TMEM117: variants seen among roughly 807,000 people sequenced by gnomAD.
The protein encoded by TMEM117 is transmembrane protein 117.
A neutral mutation model predicts 52.4 loss-of-function variants in TMEM117; 27 were observed. The ratio of observed to expected loss-of-function variants is 0.51; its 90% confidence interval spans 0.38 to 0.71. The LOEUF is 0.71. Ranked by LOEUF, TMEM117 falls within the 30% of genes least tolerant of loss-of-function variation. The pLI is 0.00. For missense variants in TMEM117, 556 were observed against 630.5 expected (o/e 0.88, Z 1.26); for synonymous variants, 215 against 206.3 (o/e 1.04, Z -0.36).
the TMEM117 span, among the ~76,000 whole-genome samples, chr12:44,396,207 C>T: frequency 6.6e-6 from 1 of 152,082 alleles, no homozygotes; most frequent in African/African-American, 2.4e-5. Context: ...ACTTGTACCA[C>T]TCAACTCTGC....
intron 6 of TMEM117, chr12:44,318,493 G>A (rs1951087943): frequency 6.6e-6 from 1 of 152,100 alleles, no homozygotes; most frequent in African/African-American, 2.4e-5. Flanking sequence ...AGGTAGGGTG[G>A]CTAAGGTTGC....
intron 3 of TMEM117, among the ~76,000 whole-genome samples, chr12:44,085,845 AT>A (rs1033507664): frequency 1.3e-5 from 2 of 151,212 alleles, no homozygotes; most frequent in Admixed American, 6.6e-5. Context: ...TTCTTTAGCT[AT>A]TTTTTTTTCT....
intron 3 of TMEM117, among the ~76,000 whole-genome samples, chr12:44,026,960 C>T (rs116019816): frequency 0.016 from 2,458 of 151,600 alleles, 76 homozygotes; most frequent in African/African-American, 0.056. Flanking sequence ...ATAGACATTT[C>T]GATAACTCTT....
chr12:43,814,738 CT>C, the TMEM117 span, among the ~76,000 whole-genome samples: 5,841 of 107,670 alleles, frequency 0.054, 57 homozygotes, highest in East Asian at 0.11. Context: ...GGGTTTGAAT[CT>C]TTTTTTTTTT....
chr12:44,391,008 A>G (rs1467499701), downstream of TMEM117, among the ~76,000 whole-genome samples: 1 of 152,138 alleles, frequency 6.6e-6, no homozygotes, highest in Non-Finnish European at 1.5e-5. Flanking sequence ...TCAGAAATTG[A>G]GGTTAAAAAA....
intron 3 of TMEM117, among the ~76,000 whole-genome samples, chr12:44,086,982 A>T (rs898040047): frequency 4.1e-5 from 6 of 145,582 alleles, no homozygotes; most frequent in Non-Finnish European, 9.0e-5. Context: ...ATTATATAAT[A>T]TATAATTAAT....
At chr12:43,907,747 T>C (rs996009282) in intron 2 of TMEM117, among the ~76,000 whole-genome samples, 2 of 151,176 alleles carry the variant, frequency 1.3e-5, no homozygotes, top group African/African-American at 4.9e-5. Context: ...AGAGTATCAG[T>C]GATGGAAGAT....
chr12:43,990,278 A>T (rs1945916693), intron 3 of TMEM117, among the ~76,000 whole-genome samples: 1 of 152,150 alleles, frequency 6.6e-6, no homozygotes, highest in Non-Finnish European at 1.5e-5. Flanking sequence ...TTGAGGGTCA[A>T]ATGAATCTGA....
intron 1 of TMEM117, among the ~76,000 whole-genome samples, chr12:43,840,495 C>G (rs1390451557): frequency 1.3e-5 from 2 of 152,164 alleles, no homozygotes; most frequent in Admixed American, 1.3e-4. Flanking sequence ...TCCTTGGACT[C>G]CACTGCTTCT....
At chr12:44,376,745 C>T (rs1417722057) in intron 7 of TMEM117, 21 bp downstream of exon 7, 10 of 1,575,700 alleles carry the variant, frequency 6.3e-6, no homozygotes, top group Non-Finnish European at 7.7e-6. Flanking sequence ...TCTTTGAACA[C>T]AATTTGATTA....
At chr12:44,184,461 A>C (rs972847823) in intron 4 of TMEM117, among the ~76,000 whole-genome samples, 1 of 152,204 alleles carries the variant, frequency 6.6e-6, no homozygotes, top group African/African-American at 2.4e-5. Context: ...AGGGAGATGC[A>C]GCAGGAGATA....
At chr12:44,350,554 C>T (rs938461787) in intron 6 of TMEM117, among the ~76,000 whole-genome samples, 1 of 151,962 alleles carries the variant, frequency 6.6e-6, no homozygotes, top group African/African-American at 2.4e-5. Context: ...TTCTTCTACT[C>T]TCTATCTCCA....
At chr12:43,852,213 C>T (rs1943321569) in intron 2 of TMEM117, among the ~76,000 whole-genome samples, 1 of 152,122 alleles carries the variant, frequency 6.6e-6, no homozygotes, top group Non-Finnish European at 1.5e-5. Flanking sequence ...GGGCGGATCA[C>T]GAGGTCAGGA....
At chr12:44,137,206 A>C (rs1230630264) in intron 3 of TMEM117, among the ~76,000 whole-genome samples, 1 of 152,102 alleles carries the variant, frequency 6.6e-6, no homozygotes, top group Non-Finnish European at 1.5e-5. Context: ...ATGATTTAAC[A>C]TAGAGGTATA....
intron 5 of TMEM117, among the ~76,000 whole-genome samples, chr12:44,229,578 G>A (rs1269202225): frequency 6.6e-6 from 1 of 152,086 alleles, no homozygotes; most frequent in Non-Finnish European, 1.5e-5. Context: ...TTCACTTCTA[G>A]ATTCTCTTTG....
Position 44,388,733 on chromosome 12 carries a change from A to T in TMEM117, c.*61A>T. 1 of 1,560,316 alleles carries T rather than the reference A, an allele frequency of 6.4e-7. No homozygotes were observed. Among genetic ancestry groups the T allele is most frequent in the Non-Finnish European group, 8.7e-7 (1 of 1,153,684 alleles). On this transcript the variant is annotated 3_prime_UTR_variant, in exon 8 of 8. Coordinates refer to ENST00000266534, the MANE Select transcript of TMEM117 (RefSeq NM_032256.3). Reference sequence around the variant, plus strand: ...ACCTTGAGTGTAACTTTAAAAATTTAGTCTTTCCTTTTGTATATGTAAGGT... The same window carrying T: ...ACCTTGAGTGTAACTTTAAAAATTTTGTCTTTCCTTTTGTATATGTAAGGT...
chr12:44,217,855 G>T (rs1461192979), intron 5 of TMEM117, among the ~76,000 whole-genome samples: 1 of 152,112 alleles, frequency 6.6e-6, no homozygotes, highest in Non-Finnish European at 1.5e-5. Context: ...AATTGTGTTA[G>T]TCCTTCTGGG....
At chr12:44,335,992 T>C (rs913655027) in intron 6 of TMEM117, among the ~76,000 whole-genome samples, 2 of 152,070 alleles carry the variant, frequency 1.3e-5, no homozygotes, top group African/African-American at 2.4e-5. Context: ...AGACATGATA[T>C]ACCTTCCATA....
intron 4 of TMEM117, among the ~76,000 whole-genome samples, chr12:44,203,796 T>A (rs1352297153): frequency 6.6e-6 from 1 of 152,184 alleles, no homozygotes; most frequent in Non-Finnish European, 1.5e-5. Context: ...ATTTGTATAA[T>A]GTTGTGGTTT....
Sources: gnomAD v4.1 joint callset for allele counts (sites outside exome capture counted in the v4.1 genomes callset) on GRCh38, gnomAD v4.1.1 for gene constraint, MANE v1.5 for transcripts, NCBI Gene and HGNC (gene_info 2026-07-23, HGNC 2026-07-21) for gene names.